RABGAP1L: variants seen among roughly 807,000 people sequenced by gnomAD.
RABGAP1L encodes the protein rab GTPase-activating protein 1-like.
Under a neutral mutation model 137.7 loss-of-function variants are expected in RABGAP1L, and 63 were observed. The observed-to-expected ratio is 0.46, with a 90% confidence interval of 0.37 to 0.56. RABGAP1L has a LOEUF of 0.56. Ranked by LOEUF, RABGAP1L falls within the 20% of genes least tolerant of loss-of-function variation. RABGAP1L has a pLI of 0.00. For synonymous variants in RABGAP1L, 431 were observed against 433.7 expected (o/e 0.99, Z 0.08); for missense variants, 1,095 against 1,244.0 (o/e 0.88, Z 1.80).
At chr1:174,311,571 T>A (rs1267856145) in intron 11 of RABGAP1L, among the ~76,000 whole-genome samples, 1 of 152,234 alleles carries the variant, frequency 6.6e-6, no homozygotes, top group Admixed American at 6.5e-5. Context: ...CATAATGATC[T>A]CCAGTTCAAT....
chr1:174,414,237 T>G (rs1650282561), intron 13 of RABGAP1L, among the ~76,000 whole-genome samples: 1 of 152,132 alleles, frequency 6.6e-6, no homozygotes, highest in Non-Finnish European at 1.5e-5. Flanking sequence ...TTCAAAAAAT[T>G]TTCCAATACA....
At chr1:174,866,110 GGAGAGAGA>G (rs34712612) in intron 19 of RABGAP1L, among the ~76,000 whole-genome samples, 4,446 of 65,770 alleles carry the variant, frequency 0.068, 265 homozygotes, top group African/African-American at 0.14. Flanking sequence ...GGAGGGAGGG[GGAGAGAGA>G]GAGAGAGAGA....
At chr1:174,669,660 G>A (rs1677039492) in intron 14 of RABGAP1L, among the ~76,000 whole-genome samples, 1 of 152,102 alleles carries the variant, frequency 6.6e-6, no homozygotes, top group Non-Finnish European at 1.5e-5. Flanking sequence ...TTTGCAAATG[G>A]TGAGAGATAA....
At chr1:174,645,824 A>G (rs2148370189) in intron 14 of RABGAP1L, among the ~76,000 whole-genome samples, 1 of 152,268 alleles carries the variant, frequency 6.6e-6, no homozygotes, top group South Asian at 2.1e-4. Context: ...ACTCTCACCA[A>G]CAGTGTAAAA....
rs544694878 is a variant in RABGAP1L at position 174,641,786 on chromosome 1, C to T, written c.1824+4298C>T. On this transcript the variant is annotated intron_variant, in intron 14 of 25. Coordinates refer to ENST00000681986, the MANE Select transcript of RABGAP1L (RefSeq NM_001366446.1). The stretch of plus-strand genomic sequence containing the variant: ...AGGGTGTGGTGTCATAAGATTGTTC[C>T]GGTTCCAATGTTCTGTGATTCTCAG... Among the ~76,000 whole-genome samples the T allele has an allele frequency of 2.2e-4, 33 of 152,132 alleles. No individual in the cohort carries two copies. In the East Asian group the frequency reaches 2.5e-3, roughly 12 times the overall value.
intron 13 of RABGAP1L, chr1:174,545,379 C>T (rs1665917342): frequency 6.6e-6 from 1 of 152,352 alleles, no homozygotes; most frequent in African/African-American, 2.4e-5. Flanking sequence ...GAGTGAGGCT[C>T]CGTGGGTGTG....
intron 13 of RABGAP1L, among the ~76,000 whole-genome samples, chr1:174,469,093 G>A (rs1259664848): frequency 6.6e-6 from 1 of 152,068 alleles, no homozygotes; most frequent in Non-Finnish European, 1.5e-5. Flanking sequence ...GTGTATTTAT[G>A]TTCATGTCTT....
At chr1:174,521,944 T>C (rs999827678) in intron 13 of RABGAP1L, among the ~76,000 whole-genome samples, 1 of 152,040 alleles carries the variant, frequency 6.6e-6, no homozygotes, top group Non-Finnish European at 1.5e-5. Context: ...CCAGATGTGG[T>C]GGTGCGCACC....
intron 17 of RABGAP1L, among the ~76,000 whole-genome samples, chr1:174,709,112 G>C (rs1014889449): frequency 6.6e-6 from 1 of 152,202 alleles, no homozygotes; most frequent in African/African-American, 2.4e-5. Context: ...TGTAGCCATA[G>C]CACCTCTCTA....
intron 13 of RABGAP1L, among the ~76,000 whole-genome samples, chr1:174,540,876 A>T (rs1665346718): frequency 6.6e-6 from 1 of 152,156 alleles, no homozygotes; most frequent in Non-Finnish European, 1.5e-5. Context: ...TCTATAAATT[A>T]CCTTGGGCAA....
chr1:174,401,705 C>A (rs780198317), intron 13 of RABGAP1L, among the ~76,000 whole-genome samples: 10 of 152,172 alleles, frequency 6.6e-5, no homozygotes, highest in Admixed American at 6.6e-5. Flanking sequence ...GTAAAGAAGA[C>A]TAATACCTAT....
At chr1:174,196,415 G>C (rs79251555) in intron 1 of RABGAP1L, among the ~76,000 whole-genome samples, 1 of 151,552 alleles carries the variant, frequency 6.6e-6, no homozygotes, top group Non-Finnish European at 1.5e-5. Flanking sequence ...TGGTAGAGAC[G>C]GGGTTTCGCT....
intron 17 of RABGAP1L, among the ~76,000 whole-genome samples, chr1:174,713,385 T>G (rs942410740): frequency 5.3e-5 from 8 of 152,222 alleles, no homozygotes; most frequent in Admixed American, 2.0e-4. Context: ...CCCTTCCAGA[T>G]CTCATGTTGA....
chr1:174,397,109 T>G (rs1647967711), intron 13 of RABGAP1L, among the ~76,000 whole-genome samples: 1 of 152,180 alleles, frequency 6.6e-6, no homozygotes, highest in African/African-American at 2.4e-5. Flanking sequence ...GCCATCAAAC[T>G]TCAGTTCAGC....
At chr1:174,952,339 CAAAAAAAAAAAA>C (rs59406597) in intron 19 of RABGAP1L, among the ~76,000 whole-genome samples, 2 of 31,724 alleles carry the variant, frequency 6.3e-5, no homozygotes, top group Non-Finnish European at 1.1e-4. Context: ...CTGGCTCTAC[CAAAAAAAAAAAA>C]AAAAAAAAAA....
chr1:174,309,722 A>C (rs1310499022), intron 11 of RABGAP1L, among the ~76,000 whole-genome samples: 1 of 152,146 alleles, frequency 6.6e-6, no homozygotes, highest in East Asian at 1.9e-4. Context: ...CATGATGAAT[A>C]ATCTTTTTAA....
At chr1:174,684,970 G>A (rs1236618483) in intron 15 of RABGAP1L, among the ~76,000 whole-genome samples, 1 of 150,394 alleles carries the variant, frequency 6.6e-6, no homozygotes, top group African/African-American at 2.4e-5. Context: ...AATAGAAGGA[G>A]ACCCTGTCTC....
In RABGAP1L at chr1:174,534,804, A is replaced by T. The variant is rs932636463; in HGVS notation, c.1711-102571A>T. 2.8e-4 allele frequency among the ~76,000 whole-genome samples: 37 copies of T among 132,954 alleles called. 1 individual carries two copies. The highest frequency in any genetic ancestry group is 5.1e-4 in the Non-Finnish European group (32 of 62,718). 87.2% of individuals were successfully genotyped at this position (132,954 alleles called of 152,430 possible). On this transcript the variant is annotated intron_variant, in intron 13 of 25. Coordinates refer to ENST00000681986, the MANE Select transcript of RABGAP1L (RefSeq NM_001366446.1). ...AAAAAAAAAAAAAAAAAAAAAAAAAATAATTAGAATAGTATGCCAGTATCA... is the reference window on the plus strand; with the variant it reads ...AAAAAAAAAAAAAAAAAAAAAAAAATTAATTAGAATAGTATGCCAGTATCA...
At chr1:174,327,956 A>AATATATAT (rs1180255952) in intron 11 of RABGAP1L, among the ~76,000 whole-genome samples, 10 of 97,952 alleles carry the variant, frequency 1.0e-4, no homozygotes, top group East Asian at 6.6e-4. Context: ...AACAGTTGTA[A>AATATATAT]ATATATATAT....
Sources: gnomAD v4.1 joint callset for allele counts (sites outside exome capture counted in the v4.1 genomes callset) on GRCh38, gnomAD v4.1.1 for gene constraint, MANE v1.5 for transcripts, NCBI Gene and HGNC (gene_info 2026-07-23, HGNC 2026-07-21) for gene names.